Variants in RAD51B observed in about 807,000 individuals in gnomAD.
RAD51B encodes the protein DNA repair protein RAD51 homolog 2.
Under a neutral mutation model 42.2 loss-of-function variants are expected in RAD51B, and 38 were observed. The ratio of observed to expected loss-of-function variants is 0.90; its 90% CI spans 0.70 to 1.18. The LOEUF (loss-of-function observed/expected upper bound fraction) is 1.18, where lower values mean the gene tolerates loss of function less well. RAD51B is among the 50% of genes most tolerant of loss of function. The pLI is 0.00. For missense variants in RAD51B, 373 were observed against 400.7 expected (o/e 0.93, Z 0.59); for synonymous variants, 154 against 145.2 (o/e 1.06, Z -0.43).
At chr14:68,237,647 T>A (rs2080287848) in intron 7 of RAD51B, among the ~76,000 whole-genome samples, 3 of 152,146 alleles carry the variant, frequency 2.0e-5, no homozygotes, top group Admixed American at 2.0e-4. Context: ...GATTTGAGAT[T>A]TTTTTCTGCT....
chr14:68,182,251 G>A (rs2079072823), intron 7 of RAD51B, among the ~76,000 whole-genome samples: 1 of 152,308 alleles, frequency 6.6e-6, no homozygotes, highest in Middle Eastern at 3.4e-3. Context: ...GAGTAACTCT[G>A]TGATTTACTT....
intron 7 of RAD51B, among the ~76,000 whole-genome samples, chr14:68,207,681 C>T (rs1039874977): frequency 6.6e-6 from 1 of 151,946 alleles, no homozygotes; most frequent in Non-Finnish European, 1.5e-5. Context: ...GTCAAAGAAG[C>T]AGGGGAGCCA....
intron 11 of RAD51B, among the ~76,000 whole-genome samples, chr14:68,651,785 G>A (rs1349742933): frequency 6.6e-6 from 1 of 152,292 alleles, no homozygotes; most frequent in Non-Finnish European, 1.5e-5. Context: ...AGAGGCCTCG[G>A]CAATGTATAC....
intron 7 of RAD51B, among the ~76,000 whole-genome samples, chr14:68,039,426 CAA>C (rs754840073): frequency 0.017 from 1,080 of 63,818 alleles, 8 homozygotes; most frequent in African/African-American, 0.048. Context: ...GACTTCATTC[CAA>C]AAAAAAAAAA....
rs76777402 is a variant in RAD51B, at chr14:67,940,457, T to G, written c.756+53253T>G. ...ACTGAACTCACCCAGCTAGCCAAACTATCTCTCTGTTGTCTTTCCACTTTA... is the reference window on the plus strand; with the variant it reads ...ACTGAACTCACCCAGCTAGCCAAACGATCTCTCTGTTGTCTTTCCACTTTA... On this transcript the variant is annotated intron_variant, in intron 7 of 10. Coordinates refer to ENST00000471583, the MANE Select transcript of RAD51B (RefSeq NM_133510.4). Among the ~76,000 whole-genome samples, 1,345 of 152,248 alleles carry G rather than the reference T, an allele frequency of 8.8e-3. 21 individuals carry two copies. Among genetic ancestry groups the G allele is most frequent in the African/African-American group, 0.03 (1,266 of 41,534 alleles).
chr14:68,032,134 T>C (rs557662969), intron 7 of RAD51B, among the ~76,000 whole-genome samples: 1 of 152,320 alleles, frequency 6.6e-6, no homozygotes, highest in Admixed American at 6.5e-5. Flanking sequence ...AAGATAATAA[T>C]ACCTAGGTCA....
chr14:68,425,220 A>T (rs2084803828), intron 9 of RAD51B, among the ~76,000 whole-genome samples: 1 of 152,254 alleles, frequency 6.6e-6, no homozygotes. Flanking sequence ...CTGCCATAGC[A>T]GTCAATATGA....
intron 10 of RAD51B, among the ~76,000 whole-genome samples, chr14:68,525,897 G>T (rs1188267237): frequency 6.6e-6 from 1 of 152,100 alleles, no homozygotes; most frequent in African/African-American, 2.4e-5. Context: ...GTTATCAACT[G>T]GGAAATACTT....
At chr14:68,089,017 A>T (rs550710148) in intron 7 of RAD51B, among the ~76,000 whole-genome samples, 1 of 152,236 alleles carries the variant, frequency 6.6e-6, no homozygotes, top group South Asian at 2.1e-4. Context: ...AAACAAGTTT[A>T]AAAAAAATTT....
At chr14:68,379,179 C>G in intron 8 of RAD51B, among the ~76,000 whole-genome samples, 1 of 152,296 alleles carries the variant, frequency 6.6e-6, no homozygotes, top group East Asian at 1.9e-4. Flanking sequence ...TAGCTAGCTA[C>G]TCTCACCCAG....
exon 11 of RAD51B, chr14:68,594,854 T>C (rs1890923472): frequency 8.5e-7 from 1 of 1,176,996 alleles, no homozygotes; most frequent in Admixed American, 3.7e-5. Flanking sequence ...AGACCAAATG[T>C]CCCAGGCACA....
chr14:68,269,506 G>A (rs1461674401), intron 7 of RAD51B, among the ~76,000 whole-genome samples: 1 of 152,156 alleles, frequency 6.6e-6, no homozygotes, highest in Non-Finnish European at 1.5e-5. Flanking sequence ...CCGCAGGATC[G>A]TCACTCAGAT....
At position 68,586,461 on chromosome 14, in the gene RAD51B, G is replaced by C. The variant is rs1890485552; in HGVS notation, c.1037-8024G>C. Among the ~76,000 whole-genome samples the C allele has an allele frequency of 2.0e-5, 3 of 152,324 alleles. No individual in the cohort carries two copies. In the South Asian group the frequency reaches 6.2e-4, roughly 32 times the overall value. On this transcript the variant is annotated intron_variant, in intron 10 of 10. Coordinates refer to the RAD51B transcript ENST00000487270. ...AAATGCAAGCTCATGTGTTTCTCTG[G>C]TTTTAACAAAGGTGTCCAATGAGTT...
At chr14:68,507,835 C>T (rs1056707143) in intron 10 of RAD51B, among the ~76,000 whole-genome samples, 7 of 152,234 alleles carry the variant, frequency 4.6e-5, no homozygotes, top group African/African-American at 1.7e-4. Context: ...CCCTGCTCCT[C>T]CGCCAGTCTA....
intron 4 of RAD51B, among the ~76,000 whole-genome samples, chr14:67,846,370 G>T (rs915495963): frequency 7.9e-4 from 120 of 152,262 alleles, no homozygotes; most frequent in African/African-American, 2.8e-3. Flanking sequence ...CGCAGTGGTG[G>T]GGTTACACTC....
At chr14:68,093,786 A>G (rs2077144607) in intron 7 of RAD51B, among the ~76,000 whole-genome samples, 1 of 152,132 alleles carries the variant, frequency 6.6e-6, no homozygotes, top group Admixed American at 6.6e-5. Flanking sequence ...CATTTACAAA[A>G]AAGTAGATTG....
At chr14:68,024,495 G>T (rs1166026313) in intron 7 of RAD51B, among the ~76,000 whole-genome samples, 1 of 151,946 alleles carries the variant, frequency 6.6e-6, no homozygotes, top group Non-Finnish European at 1.5e-5. Context: ...TCATTTATTT[G>T]TGTCATCTCT....
chr14:68,487,061 A>G (rs1883678470), intron 10 of RAD51B, among the ~76,000 whole-genome samples: 1 of 152,188 alleles, frequency 6.6e-6, no homozygotes, highest in South Asian at 2.1e-4. Flanking sequence ...GGGAGTGAAA[A>G]GGCAGAGGGC....
chr14:68,177,502 A>T (rs1031427858), intron 7 of RAD51B, among the ~76,000 whole-genome samples: 4 of 152,202 alleles, frequency 2.6e-5, no homozygotes, highest in Admixed American at 6.5e-5. Context: ...GTTTCCTTAA[A>T]AACATGCGAT....
Sources: allele counts gnomAD v4.1 joint callset (sites outside exome capture counted in the v4.1 genomes callset), GRCh38; gene constraint gnomAD v4.1.1; transcripts MANE v1.5; gene names NCBI Gene and HGNC (gene_info 2026-07-23, HGNC 2026-07-21).